The following TSPAN11 variants were observed in gnomAD, a reference collection of about 807,000 sequenced individuals.
The protein encoded by TSPAN11 is tetraspanin-11.
Under a neutral mutation model 32.9 loss-of-function variants are expected in TSPAN11, and 29 were observed. The ratio of observed to expected loss-of-function variants is 0.88; its 90% CI spans 0.66 to 1.20. The LOEUF (loss-of-function observed/expected upper bound fraction) is 1.20, where lower values mean the gene tolerates loss of function less well. Among genes scored for constraint, TSPAN11 ranks in the 50% most tolerant of loss-of-function variants. The pLI is 0.00. For synonymous variants in TSPAN11, 140 were observed against 141.3 expected (o/e 0.99, Z 0.07); for missense variants, 283 against 329.1 (o/e 0.86, Z 1.08).
chr12:31,013,022 T>C, the TSPAN11 span, among the ~76,000 whole-genome samples: 1 of 151,994 alleles, frequency 6.6e-6, no homozygotes, highest in African/African-American at 2.4e-5. Context: ...AGCAAGGGAG[T>C]AGCAAGCCCA....
the TSPAN11 span, among the ~76,000 whole-genome samples, chr12:31,013,424 T>A: frequency 2.4e-3 from 351 of 148,688 alleles, no homozygotes; most frequent in African/African-American, 7.4e-3. Context: ...AAAAAAAAAA[T>A]TTTTTTTAAT....
chr12:30,969,447 CA>C (rs2140296969), intron 3 of TSPAN11, among the ~76,000 whole-genome samples: 1 of 152,334 alleles, frequency 6.6e-6, no homozygotes, highest in Admixed American at 6.5e-5. Context: ...GTCCTTTCCT[CA>C]TCCAGCGTGG....
chr12:30,964,113 GGGGC>G, intron 3 of TSPAN11, 96 bp downstream of exon 3: 1 of 985,554 alleles, frequency 1.0e-6, no homozygotes, highest in Non-Finnish European at 1.4e-6. Context: ...TGGAGTGGGA[GGGGC>G]TGAGGCTGTG....
In TSPAN11 at chr12:30,987,861, C is replaced by T. The variant is rs76450147; in HGVS notation, c.703-3995C>T. Among the ~76,000 whole-genome samples, 168 of 152,226 alleles carry T rather than the reference C, an allele frequency of 1.1e-3. No homozygotes were observed. In the East Asian group the frequency reaches 0.03, roughly 27 times the overall value. On this transcript the variant is annotated intron_variant, in intron 7 of 7. Transcript: ENST00000546076. ...TCATGTGGGGAAAGGAGGGACTGTTCCTGGGAGGTTCCAGAGGACAGAAGG... is the reference window on the plus strand; with the variant it reads ...TCATGTGGGGAAAGGAGGGACTGTTTCTGGGAGGTTCCAGAGGACAGAAGG...
At position 30,982,588 on chromosome 12, in the gene TSPAN11, G is replaced by A. The variant is rs997372895; in HGVS notation, c.513G>A (p.Leu171=). 6.2e-7 allele frequency: 1 copy of A among 1,612,976 alleles called. No homozygotes were observed. Among genetic ancestry groups the A allele is most frequent in the Admixed American group, 1.7e-5 (1 of 59,998 alleles). Reference sequence around the variant, plus strand: ...ACTGGCAGCACAGCACGTACATCCTGTTGCGGGAGGCCGAGGGCCGCCAGG... The same window carrying A: ...ACTGGCAGCACAGCACGTACATCCTATTGCGGGAGGCCGAGGGCCGCCAGG... The part of the protein sequence containing the change: ...SADWQHSTYI[L]LREAEGRQVP... The change falls in exon 6 of 8, where the codon CTG becomes CTA. Residue 171 remains leucine, a synonymous_variant. Coordinates refer to ENST00000546076, the MANE Select transcript of TSPAN11 (RefSeq NM_001370302.1).
chr12:30,967,497 A>T (rs1246519335), intron 3 of TSPAN11, among the ~76,000 whole-genome samples: 1 of 152,220 alleles, frequency 6.6e-6, no homozygotes, highest in Non-Finnish European at 1.5e-5. Context: ...CTGGTGCAAG[A>T]TTCCCTGCTT....
downstream of TSPAN11, among the ~76,000 whole-genome samples, chr12:31,001,050 G>A (rs986299747): frequency 2.0e-5 from 3 of 152,150 alleles, no homozygotes; most frequent in African/African-American, 7.2e-5. Context: ...TCTTCCTGCA[G>A]CCTCCCCTGT....
At chr12:30,968,306 G>A (rs1938779790) in intron 3 of TSPAN11, among the ~76,000 whole-genome samples, 2 of 152,190 alleles carry the variant, frequency 1.3e-5, no homozygotes, top group Non-Finnish European at 2.9e-5. Flanking sequence ...TGACCCAGAG[G>A]GGGACCATCC....
chr12:30,957,861 T>TTCCTTCCTTCCC (rs1379365675), intron 2 of TSPAN11, among the ~76,000 whole-genome samples: 6 of 30,532 alleles, frequency 2.0e-4, no homozygotes, highest in African/African-American at 7.3e-4. Flanking sequence ...CCTTCCTTCC[T>TTCCTTCCTTCCC]TCCCTCCCTC....
rs1939380931 is a variant in TSPAN11 at position 30,994,549 on chromosome 12, G to A, written c.*2634G>A. On this transcript the variant is annotated 3_prime_UTR_variant, in exon 8 of 8. Transcript: ENST00000546076. ...AGAAGGGCGCGTCCCCGAGTCCCCT[G>A]GGTGACCTGTGTCAGGACAGCAGGC... 1 of 152,200 alleles carries A rather than the reference G, an allele frequency of 6.6e-6. No homozygotes were observed. Among genetic ancestry groups the A allele is most frequent in the Non-Finnish European group, 1.5e-5 (1 of 68,058 alleles). The allele number at this position is 152,200 out of a possible 1,614,324, so 9.4% of individuals were successfully genotyped here.
intron 2 of TSPAN11, among the ~76,000 whole-genome samples, chr12:30,962,691 C>T (rs1938636924): frequency 6.6e-6 from 1 of 152,176 alleles, no homozygotes; most frequent in South Asian, 2.1e-4. Context: ...GGGCACTTCT[C>T]TAGCTTTGAC....
At chr12:30,969,424 C>T (rs192592335) in intron 3 of TSPAN11, among the ~76,000 whole-genome samples, 8 of 152,358 alleles carry the variant, frequency 5.3e-5, no homozygotes, top group Admixed American at 2.0e-4. Flanking sequence ...ACCCCGACCC[C>T]TCTCCAGCAT....
In TSPAN11 at chr12:30,983,107, TG is replaced by T. The variant is rs1939128384; in HGVS notation, c.660del (p.Leu221CysfsTer86). 1.2e-6 allele frequency: 2 copies of T among 1,613,184 alleles called. No homozygotes were observed. Among genetic ancestry groups the T allele is most frequent in the Admixed American group, 3.3e-5 (2 of 59,988 alleles). On this transcript the variant is annotated frameshift_variant, in exon 7 of 8. Transcript: ENST00000546076. LOFTEE classifies it high-confidence loss of function. ...TKLEQFLADH[L>X]LLMGAVGIGV... ...CTGGAGCAGTTCCTGGCCGACCACC[TG>T]CTGCTTATGGGGGCAGTGGGCATCG...
intron 1 of TSPAN11, among the ~76,000 whole-genome samples, chr12:30,938,786 C>T (rs1268733308): frequency 3.9e-5 from 6 of 152,160 alleles, no homozygotes; most frequent in Non-Finnish European, 8.8e-5. Flanking sequence ...AGGACCAAGC[C>T]TAGACAGAGA....
chr12:30,984,729 G>A (rs1422208298), intron 7 of TSPAN11, among the ~76,000 whole-genome samples: 1 of 151,814 alleles, frequency 6.6e-6, no homozygotes, highest in Non-Finnish European at 1.5e-5. Context: ...GCCTAGTTTT[G>A]TATTTTTAGT....
chr12:30,974,058 C>G (rs1938908858), intron 3 of TSPAN11, among the ~76,000 whole-genome samples: 1 of 152,256 alleles, frequency 6.6e-6, no homozygotes. Context: ...ATAGGCTTCC[C>G]TGATCCTTCC....
chr12:30,927,535 A>G (rs1226029002), intron 1 of TSPAN11, among the ~76,000 whole-genome samples: 2 of 151,684 alleles, frequency 1.3e-5, no homozygotes, highest in Non-Finnish European at 2.9e-5. Context: ...TGCAGGAGGA[A>G]TAAGTGTTCC....
intron 2 of TSPAN11, 148 bp from the exon 3 acceptor site, chr12:30,963,677 TA>T: frequency 1.2e-6 from 1 of 810,882 alleles, no homozygotes; most frequent in East Asian, 2.8e-5. Context: ...TCCTCATCTG[TA>T]AAATTGGGTA....
downstream of TSPAN11, among the ~76,000 whole-genome samples, chr12:30,998,200 T>C (rs903740171): frequency 1.6e-4 from 24 of 152,224 alleles, no homozygotes; most frequent in Middle Eastern, 3.2e-3. Flanking sequence ...TGTTACTGGC[T>C]TACAACTGCT....
Sources: gnomAD v4.1 joint callset for allele counts (sites outside exome capture counted in the v4.1 genomes callset) on GRCh38, gnomAD v4.1.1 for gene constraint, MANE v1.5 for transcripts, NCBI Gene and HGNC (gene_info 2026-07-23, HGNC 2026-07-21) for gene names.